GRM8: variants seen among roughly 807,000 people sequenced by gnomAD.
GRM8 encodes metabotropic glutamate receptor 8.
In GRM8, 47 loss-of-function variants were observed where a neutral mutation model predicts 87.2. The observed-to-expected ratio is 0.54, with a 90% CI of 0.43 to 0.69. The LOEUF (loss-of-function observed/expected upper bound fraction) is 0.69, where lower values mean the gene tolerates loss of function less well. Ranked by LOEUF, GRM8 falls within the 30% of genes least tolerant of loss-of-function variation. The pLI is 0.00. For missense variants in GRM8, 1,019 were observed against 1,139.2 expected, an observed-to-expected ratio of 0.89 and a Z score of 1.52; for synonymous variants, 396 against 404.5, an observed-to-expected ratio of 0.98 and a Z score of 0.25.
chr7:127,206,367 T>A (rs1341005450), intron 2 of GRM8, among the ~76,000 whole-genome samples: 1 of 152,194 alleles, frequency 6.6e-6, no homozygotes, highest in East Asian at 1.9e-4. Context: ...AATATGGAAA[T>A]GTTTAGCCTC....
chr7:127,217,651 C>G (rs17867034), intron 2 of GRM8, among the ~76,000 whole-genome samples: 3,405 of 152,234 alleles, frequency 0.022, 119 homozygotes, highest in African/African-American at 0.077. Flanking sequence ...GGATGTGGCT[C>G]GTAGGTCTCT....
At chr7:126,847,223 G>A (rs913435896) in intron 6 of GRM8, among the ~76,000 whole-genome samples, 3 of 152,124 alleles carry the variant, frequency 2.0e-5, no homozygotes, top group South Asian at 2.1e-4. Context: ...TAATCAATTT[G>A]TTCTTATAGA....
intron 3 of GRM8, among the ~76,000 whole-genome samples, chr7:127,049,206 C>G (rs1819225787): frequency 6.6e-6 from 1 of 152,204 alleles, no homozygotes; most frequent in African/African-American, 2.4e-5. Flanking sequence ...AAAATCATCT[C>G]TCTCTCTGTT....
chr7:126,607,861 A>T (rs1349119613), intron 8 of GRM8, among the ~76,000 whole-genome samples: 2 of 69,974 alleles, frequency 2.9e-5, no homozygotes, highest in South Asian at 4.8e-4. Flanking sequence ...CCCCCACCCC[A>T]CAACAGTCCC....
intron 6 of GRM8, among the ~76,000 whole-genome samples, chr7:126,828,921 C>T (rs1291391062): frequency 1.3e-5 from 2 of 152,086 alleles, no homozygotes; most frequent in African/African-American, 4.8e-5. Flanking sequence ...TCGTTGGTTT[C>T]AAAGAACATC....
intron 3 of GRM8, among the ~76,000 whole-genome samples, chr7:126,937,243 C>T (rs1203423270): frequency 6.7e-6 from 1 of 150,232 alleles, no homozygotes; most frequent in Non-Finnish European, 1.5e-5. Context: ...AGGAAGAAGC[C>T]CTTAAACTGA....
intron 3 of GRM8, among the ~76,000 whole-genome samples, chr7:127,038,868 T>C (rs1018605637): frequency 3.3e-5 from 5 of 152,192 alleles, no homozygotes; most frequent in African/African-American, 1.2e-4. Context: ...GTGAATTCAT[T>C]TAATCATGGT....
intron 7 of GRM8, among the ~76,000 whole-genome samples, chr7:126,748,311 T>C (rs1458926970): frequency 1.3e-5 from 2 of 152,096 alleles, no homozygotes; most frequent in African/African-American, 2.4e-5. Flanking sequence ...TAAAGATTGC[T>C]GGACACAAAG....
intron 2 of GRM8, among the ~76,000 whole-genome samples, chr7:127,169,802 A>C (rs1793681627): frequency 6.6e-6 from 1 of 152,236 alleles, no homozygotes; most frequent in African/African-American, 2.4e-5. Context: ...TGCAATAACA[A>C]AGTCTGAACA....
At chr7:126,855,570 G>A (rs1208696542) in intron 6 of GRM8, among the ~76,000 whole-genome samples, 3 of 151,048 alleles carry the variant, frequency 2.0e-5, no homozygotes, top group Non-Finnish European at 4.4e-5. Context: ...CTGCCTCTCA[G>A]GTTCAAGCAA....
chr7:126,519,931 A>G (rs1812725034), intron 9 of GRM8, among the ~76,000 whole-genome samples: 2 of 152,162 alleles, frequency 1.3e-5, no homozygotes, highest in Admixed American at 6.6e-5. Context: ...GACAGAGTCT[A>G]AACAGGGTAA....
chr7:126,483,968 G>C (rs1218733911), intron 9 of GRM8, among the ~76,000 whole-genome samples: 1 of 151,884 alleles, frequency 6.6e-6, no homozygotes, highest in Non-Finnish European at 1.5e-5. Flanking sequence ...CTTATAACCA[G>C]ACTTGAGCAT....
At chr7:126,581,533 C>A (rs775840306) in intron 8 of GRM8, among the ~76,000 whole-genome samples, 16 of 152,102 alleles carry the variant, frequency 1.1e-4, no homozygotes, top group Non-Finnish European at 2.4e-4. Context: ...GACGTGATCA[C>A]TATACCTGAG....
intron 1 of GRM8, chr7:127,251,312 G>A (rs546838851): frequency 6.6e-6 from 1 of 152,304 alleles, no homozygotes; most frequent in South Asian, 2.1e-4. Context: ...TTGCACCAAG[G>A]GAGCGCGTGT....
At chr7:126,791,337 T>C (rs897959919) in intron 6 of GRM8, among the ~76,000 whole-genome samples, 1 of 152,252 alleles carries the variant, frequency 6.6e-6, no homozygotes, top group Non-Finnish European at 1.5e-5. Context: ...AACACAGACC[T>C]TCTTTCAGAG....
chr7:127,221,220 G>A lies in GRM8; in HGVS notation c.510+21475C>T, dbSNP rs553019300. 5.9e-5 allele frequency among the ~76,000 whole-genome samples: 9 copies of A among 152,286 alleles called. No individual in the cohort carries two copies. In the South Asian group the frequency reaches 1.9e-3, roughly 32 times the overall value. On this transcript the variant is annotated intron_variant, in intron 2 of 10. Coordinates refer to ENST00000339582, the MANE Select transcript of GRM8 (RefSeq NM_000845.3). ...TGTCATTTACATGTAAGGCAGAGAG[G>A]CTGAATGACTTGCTCAAGGTCATAA...
chr7:126,502,829 T>C (rs950209742), intron 9 of GRM8, among the ~76,000 whole-genome samples: 2 of 152,018 alleles, frequency 1.3e-5, no homozygotes, highest in Non-Finnish European at 2.9e-5. Context: ...AGAGTAGACA[T>C]AATTATTAAA....
Position 127,243,393 on chromosome 7 carries a change from T to C in GRM8, c.-189A>G. 1.8e-6 allele frequency: 1 copy of C among 566,078 alleles called. No individual in the cohort carries two copies. The highest frequency in any genetic ancestry group is 3.1e-6 in the Non-Finnish European group (1 of 324,496). The allele number at this position is 566,078 out of a possible 1,614,324, so 35.1% of individuals were successfully genotyped here. A position where few individuals can be genotyped will look rare whatever the true frequency, so the allele number is the denominator to read the frequency against. ...TTTCCATCAGACCCCTAAGGTTCAATTTTATTTCCTTATAAGATCAACTTG... is the reference window on the plus strand; with the variant it reads ...TTTCCATCAGACCCCTAAGGTTCAACTTTATTTCCTTATAAGATCAACTTG... On this transcript the variant is annotated 5_prime_UTR_variant, in exon 2 of 11. Transcript: ENST00000339582.
chr7:126,784,402 A>G lies in GRM8; in HGVS notation c.1157-14337T>C, dbSNP rs148319290. Reference sequence around the variant, plus strand: ...ATTTTGTGAGAAAAATTATAAATAGAAATTTGATAAATTTAGAACCAATGT... The same window carrying G: ...ATTTTGTGAGAAAAATTATAAATAGGAATTTGATAAATTTAGAACCAATGT... On this transcript the variant is annotated intron_variant, in intron 6 of 10. Coordinates refer to ENST00000339582, the MANE Select transcript of GRM8 (RefSeq NM_000845.3). Among the ~76,000 whole-genome samples the G allele has an allele frequency of 2.8e-3, 423 of 152,348 alleles. 5 individuals are homozygous for G. Among genetic ancestry groups the G allele is most frequent in the African/African-American group, 9.8e-3 (408 of 41,594 alleles).
Sources: gnomAD v4.1 joint callset for allele counts (sites outside exome capture counted in the v4.1 genomes callset) on GRCh38, gnomAD v4.1.1 for gene constraint, MANE v1.5 for transcripts, NCBI Gene and HGNC (gene_info 2026-07-23, HGNC 2026-07-21) for gene names.